Variants in IWS1 observed in about 807,000 individuals in gnomAD.
IWS1 encodes interacts with SUPT6H, CTD assembly factor 1, also known as protein IWS1 homolog.
Under a neutral mutation model 86.7 loss-of-function variants are expected in IWS1, and 27 were observed. The observed-to-expected ratio is 0.31, with a 90% CI of 0.23 to 0.43. The LOEUF (loss-of-function observed/expected upper bound fraction) is 0.43, where lower values mean the gene tolerates loss of function less well. Ranked by LOEUF, IWS1 falls within the 20% of genes least tolerant of loss-of-function variation. The pLI is 1.00. For missense variants in IWS1, 827 were observed against 1,000.8 expected (o/e 0.83, Z 2.34); for synonymous variants, 313 against 335.1 (o/e 0.93, Z 0.72).
intron 12 of IWS1, among the ~76,000 whole-genome samples, chr2:127,487,667 C>T (rs1689997756): frequency 6.6e-6 from 1 of 152,156 alleles, no homozygotes; most frequent in Non-Finnish European, 1.5e-5. Flanking sequence ...TCTCCTGCCC[C>T]AGCCTACAAA....
upstream of IWS1, chr2:127,526,532 C>G (rs1692432487): frequency 1.4e-6 from 2 of 1,460,754 alleles, no homozygotes; most frequent in Non-Finnish European, 1.8e-6. Context: ...GCGCCGCAAC[C>G]CGTCAACCGG....
rs1691018126 is a variant in IWS1 at position 127,504,705 on chromosome 2, T to C, written c.1198A>G (p.Ser400Gly). Reference sequence around the variant, plus strand: ...TTACATGCTTTCTCTTCATCTTCACTATCAGAAAGCACAGCAGCTTTTCTC... The same window carrying C: ...TTACATGCTTTCTCTTCATCTTCACCATCAGAAAGCACAGCAGCTTTTCTC... ...AKRKAAVLSDSEDEEKASAKK... is the reference protein window; with the variant it reads ...AKRKAAVLSDGEDEEKASAKK... The change falls in exon 3 of 14, where the codon AGT becomes GGT. Residue 400 changes from serine to glycine, a missense_variant. By Grantham distance (56) the Ser-to-Gly change is moderately conservative. Transcript: ENST00000295321. The C allele has an allele frequency of 6.2e-7, 1 of 1,605,388 alleles. No homozygotes were observed. The highest frequency in any genetic ancestry group is 8.5e-7 in the Non-Finnish European group (1 of 1,176,232).
chr2:127,501,240 C>T (rs1690789981), intron 5 of IWS1, among the ~76,000 whole-genome samples: 1 of 151,996 alleles, frequency 6.6e-6, no homozygotes, highest in African/African-American at 2.4e-5. Flanking sequence ...AGTATTTTTG[C>T]TAAATTTAAC....
chr2:127,525,991 T>A (rs1300493749), intron 1 of IWS1, among the ~76,000 whole-genome samples, 184 bp downstream of exon 1: 2 of 152,130 alleles, frequency 1.3e-5, no homozygotes, highest in African/African-American at 4.8e-5. Flanking sequence ...CCCACCAGAA[T>A]CCCCTCTCCA....
At chr2:127,519,724 T>C (rs1238590622) in intron 2 of IWS1, among the ~76,000 whole-genome samples, 2 of 152,154 alleles carry the variant, frequency 1.3e-5, no homozygotes, top group Non-Finnish European at 2.9e-5. Flanking sequence ...GCAAATGTAA[T>C]TAAGGTAAGG....
intron 2 of IWS1, among the ~76,000 whole-genome samples, chr2:127,516,566 C>G (rs1256277734): frequency 3.3e-5 from 5 of 152,212 alleles, no homozygotes; most frequent in Middle Eastern, 3.4e-3. Flanking sequence ...AGTTCAAGAC[C>G]AGCCTGGGCA....
chr2:127,498,872 G>A (rs1213168825), intron 5 of IWS1: 1 of 152,050 alleles, frequency 6.6e-6, no homozygotes, highest in Non-Finnish European at 1.5e-5. Context: ...GTAACGTTGG[G>A]CATTTTTTCC....
intron 2 of IWS1, among the ~76,000 whole-genome samples, chr2:127,515,496 C>A (rs10190872): frequency 6.6e-6 from 1 of 152,028 alleles, no homozygotes; most frequent in African/African-American, 2.4e-5. Context: ...ATACAGATTG[C>A]GCTAACAGAC....
chr2:127,494,232 T>G (rs1424326760), intron 8 of IWS1, among the ~76,000 whole-genome samples: 2 of 119,812 alleles, frequency 1.7e-5, no homozygotes, highest in African/African-American at 6.7e-5. Flanking sequence ...CACAGCGAGA[T>G]CCTGTCTCTA....
chr2:127,503,376 C>T lies in IWS1; in HGVS notation c.1409+11G>A. On this transcript the variant is annotated intron_variant, in intron 4 of 13. Coordinates refer to ENST00000295321, the MANE Select transcript of IWS1 (RefSeq NM_017969.3). The stretch of plus-strand genomic sequence containing the variant: ...AGAACCCCTGAAAACTCATGTTATA[C>T]TGTCACTTACTCTTCTTCATTGCCT... 6.2e-7 allele frequency: 1 copy of T among 1,600,366 alleles called. No homozygotes were observed. The highest frequency in any genetic ancestry group is 8.5e-7 in the Non-Finnish European group (1 of 1,171,930).
rs138004420 is a variant in IWS1 at position 127,481,167 on chromosome 2, C to T, written c.2337G>A (p.Ala779=). 308 of 1,595,240 alleles carry T rather than the reference C, an allele frequency of 1.9e-4. 2 individuals carry two copies. The Middle Eastern group carries it at 5.7e-3, about 30-fold the overall frequency. ...NVEMESSRFQ[A]TSKKGISRLD... ...GTCGACTGATACCCTTCTTGGAGGTCGCCTGAAACTAAGAGTAAGGGAAAA... is the reference window on the plus strand; with the variant it reads ...GTCGACTGATACCCTTCTTGGAGGTTGCCTGAAACTAAGAGTAAGGGAAAA... The change falls in exon 14 of 14, where the codon GCG becomes GCA. Residue 779 remains alanine (A), a synonymous_variant. Transcript: ENST00000295321.
At position 127,519,128 on chromosome 2, in the gene IWS1, A is replaced by G. The variant is rs548527142; in HGVS notation, c.150+4548T>C. ...TGTTTTTCAAATCTTGGAGAAAAAAATAAAGCCAACCATACAAGAATAAAC... is the reference window on the plus strand; with the variant it reads ...TGTTTTTCAAATCTTGGAGAAAAAAGTAAAGCCAACCATACAAGAATAAAC... On this transcript the variant is annotated intron_variant, in intron 2 of 13. Transcript: ENST00000295321. Among the ~76,000 whole-genome samples, 4 of 152,288 alleles carry G rather than the reference A, an allele frequency of 2.6e-5. No individual in the cohort carries two copies. The South Asian group carries it at 8.3e-4, about 32-fold the overall frequency.
intron 13 of IWS1, 79 bp downstream of exon 13, chr2:127,486,474 G>A: frequency 9.8e-7 from 1 of 1,015,464 alleles, no homozygotes; most frequent in Non-Finnish European, 1.6e-6. Flanking sequence ...AGAGCTACAA[G>A]GGTTATTAAC....
chr2:127,482,067 T>C (rs140242689), intron 13 of IWS1, among the ~76,000 whole-genome samples: 2 of 152,334 alleles, frequency 1.3e-5, no homozygotes, highest in Non-Finnish European at 2.9e-5. Context: ...GCTGACTCTG[T>C]TGTAAAACAA....
chr2:127,489,260 T>C lies in IWS1; in HGVS notation c.2160-25A>G. On this transcript the variant is annotated intron_variant, in intron 11 of 13. Transcript: ENST00000295321. The surrounding 1 kb of genome is among the most constrained non-coding windows in gnomAD (Gnocchi z 4.8). ...GCTGAAAAAAAAGTAAACAAGGAGA[T>C]ACCAGGAATATTAGAACCTAATAAC... 6.3e-7 allele frequency: 1 copy of C among 1,577,052 alleles called. No individual in the cohort carries two copies.
intron 13 of IWS1, chr2:127,484,800 A>T (rs749938445): frequency 4.6e-5 from 7 of 152,210 alleles, no homozygotes; most frequent in Non-Finnish European, 7.3e-5. Flanking sequence ...GATCAAGACC[A>T]TCATGGCTAA....
intron 2 of IWS1, among the ~76,000 whole-genome samples, chr2:127,507,955 G>A (rs370954770): frequency 6.6e-6 from 1 of 152,210 alleles, no homozygotes. Context: ...CATGAATTTC[G>A]TGTTTAGACT....
intron 13 of IWS1, 136 bp from the exon 14 acceptor site, chr2:127,481,311 T>C (rs1019239899): frequency 1.4e-6 from 1 of 705,156 alleles, no homozygotes; most frequent in African/African-American, 1.8e-5. Context: ...GTTGATGACC[T>C]CAAGAACAAC....
At chr2:127,498,969 C>T (rs77451701) in intron 5 of IWS1, 5,361 of 152,192 alleles carry the variant, frequency 0.035, 317 homozygotes, top group African/African-American at 0.12. Context: ...TTTTTCTTAT[C>T]AGTATGTAAA....
Sources: gnomAD v4.1 joint callset for allele counts (sites outside exome capture counted in the v4.1 genomes callset) on GRCh38, gnomAD v4.1.1 for gene constraint, Gnocchi (gnomAD v3.1) non-coding constraint, MANE v1.5 for transcripts, NCBI Gene and HGNC (gene_info 2026-07-23, HGNC 2026-07-21) for gene names.